ZMYM6: variants seen among roughly 807,000 people sequenced by gnomAD.
The protein encoded by ZMYM6 is zinc finger MYM-type containing 6.
A neutral mutation model predicts 134.0 loss-of-function variants in ZMYM6; 90 were observed. The observed-to-expected ratio is 0.67, with a 90% CI of 0.57 to 0.80. ZMYM6 has a LOEUF of 0.80. Among genes scored for constraint, ZMYM6 ranks in the 30% least tolerant of loss-of-function variants. The pLI is 0.00. For missense variants in ZMYM6, 1,362 were observed against 1,533.9 expected, an observed-to-expected ratio of 0.89 and a Z score of 1.87; for synonymous variants, 481 against 524.1, an observed-to-expected ratio of 0.92 and a Z score of 1.12.
chr1:35,021,732 C>G (rs759454611), intron 2 of ZMYM6, among the ~76,000 whole-genome samples: 1 of 152,092 alleles, frequency 6.6e-6, no homozygotes, highest in Non-Finnish European at 1.5e-5. Flanking sequence ...AGAAAAGATA[C>G]AAGAGTGTCA....
intron 14 of ZMYM6, among the ~76,000 whole-genome samples, chr1:34,999,604 A>G (rs1161585474): frequency 6.6e-6 from 1 of 152,246 alleles, no homozygotes; most frequent in South Asian, 2.1e-4. Flanking sequence ...AAAAATAGGG[A>G]AAAATTAAAA....
At chr1:35,028,251 G>A (rs1641450318) in intron 2 of ZMYM6, among the ~76,000 whole-genome samples, 1 of 150,976 alleles carries the variant, frequency 6.6e-6, no homozygotes, top group African/African-American at 2.4e-5. Context: ...GGGAGGCGGA[G>A]GTTGCAGTGA....
chr1:34,988,661 T>C lies in ZMYM6; in HGVS notation c.2421A>G (p.Lys807=). 2.6e-6 allele frequency: 4 copies of C among 1,546,954 alleles called. No individual in the cohort carries two copies. The highest frequency in any genetic ancestry group is 3.5e-6 in the Non-Finnish European group (4 of 1,145,632). ...TATTTTGACATTCCATTTCTAAAGA[T>C]TTTTGTTCAAAAAAATCTACTGGTT... ...ENKPVDFFEQ[K]SLEMECQNSS... Residue 807 remains lysine (K), a synonymous_variant, in exon 16 of 16, where the codon AAA becomes AAG. Transcript: ENST00000357182.
chr1:34,993,642 G>C (rs1403507673), intron 14 of ZMYM6, among the ~76,000 whole-genome samples: 2 of 151,968 alleles, frequency 1.3e-5, no homozygotes, highest in African/African-American at 2.4e-5. Flanking sequence ...ATCTTTGGGG[G>C]GCTACTATTC....
chr1:35,015,743 A>AAAAAAAAATATATATATATATATAT, intron 4 of ZMYM6, among the ~76,000 whole-genome samples: 4 of 106,464 alleles, frequency 3.8e-5, no homozygotes, highest in African/African-American at 2.6e-4. Context: ...AAAAAAAAAA[A>AAAAAAAAATATATATATATATATAT]ATATATATAT....
chr1:35,014,578 G>C lies in ZMYM6; in HGVS notation c.795+119C>G, dbSNP rs2148455121. ...CAGAATCTATCCCATTTTCTGGAAG[G>C]GAAATCACATATCAGGATGGACTAA... On this transcript the variant is annotated intron_variant, in intron 6 of 15. Coordinates refer to ENST00000357182, the MANE Select transcript of ZMYM6 (RefSeq NM_007167.4). 62 of 993,584 alleles carry C rather than the reference G, an allele frequency of 6.2e-5. No homozygotes were observed. The South Asian group carries it at 1.1e-3, about 18-fold the overall frequency. The allele number at this position is 993,584 out of a possible 1,614,324, so 61.5% of individuals were successfully genotyped here. A position where few individuals can be genotyped will look rare whatever the true frequency, so the allele number is the denominator to read the frequency against.
intron 15 of ZMYM6, chr1:34,990,156 G>A: frequency 5.9e-6 from 1 of 170,740 alleles, no homozygotes; most frequent in Non-Finnish European, 1.3e-5. Flanking sequence ...TTTCAGGAGG[G>A]CAATTTAGGC....
At chr1:35,027,353 C>T (rs763913259) in intron 2 of ZMYM6, among the ~76,000 whole-genome samples, 3 of 151,996 alleles carry the variant, frequency 2.0e-5, no homozygotes, top group East Asian at 3.8e-4. Context: ...AAATATCACT[C>T]GATCTATACA....
chr1:35,005,251 G>C lies in ZMYM6; in HGVS notation c.1835C>G (p.Thr612Ser), dbSNP rs975536362. 1.2e-6 allele frequency: 2 copies of C among 1,614,002 alleles called. No individual in the cohort carries two copies. Among genetic ancestry groups the C allele is most frequent in the South Asian group, 2.2e-5 (2 of 91,060 alleles). The change falls in exon 13 of 16, where the codon ACT becomes AGT. Residue 612 changes from threonine to serine, a missense_variant. Transcript: ENST00000357182. ...QNKVNISKAK[T>S]AVTELPSART... ...TGCAGAAGGGAGCTCCGTCACAGCA[G>C]TTTTTGCTTTAGAAATATTTACTGA... is the stretch of plus-strand genomic sequence containing the variant.
rs371790108 is a variant in ZMYM6 at position 35,010,788 on chromosome 1, A to T, written c.1311T>A (p.Phe437Leu). Residue 437 changes from phenylalanine to leucine, a missense_variant, in exon 9 of 16, where the codon TTT (phenylalanine) becomes TTA (leucine). Around this residue, in one of 3 missense-constraint regions of ZMYM6, gnomAD observed 503 missense variants for 520.8 expected, o/e 0.97. Transcript: ENST00000357182. ...AAAAAAGAAGTTCTGGTTTTGTGGC[A>T]AATAGATGGTTACAGTGCTGACACT... ...KLKCQHCNHLFATKPELLFYK... is the reference protein window; with the variant it reads ...KLKCQHCNHLLATKPELLFYK... The T allele has an allele frequency of 5.7e-6, 9 of 1,577,602 alleles. No individual in the cohort carries two copies. The highest frequency in any genetic ancestry group is 6.9e-6 in the Non-Finnish European group (8 of 1,166,178).
chr1:35,025,726 A>C (rs1178870750), intron 2 of ZMYM6, among the ~76,000 whole-genome samples: 1 of 152,098 alleles, frequency 6.6e-6, no homozygotes, highest in African/African-American at 2.4e-5. Context: ...AGTAACTAAT[A>C]CAGTTTACCA....
chr1:35,014,664 G>A, intron 6 of ZMYM6, 33 bp downstream of exon 6: 6 of 1,596,598 alleles, frequency 3.8e-6, no homozygotes, highest in Non-Finnish European at 5.1e-6. Flanking sequence ...GAAGGAGTGG[G>A]CCTAAGTACA....
chr1:35,013,279 A>G (rs1308456543), intron 6 of ZMYM6: 1 of 829,116 alleles, frequency 1.2e-6, no homozygotes, highest in Admixed American at 6.2e-5. Flanking sequence ...GATGAGCAGA[A>G]GAAGTAGGAA....
chr1:35,027,972 A>G (rs1427082056), intron 2 of ZMYM6, among the ~76,000 whole-genome samples: 1 of 152,152 alleles, frequency 6.6e-6, no homozygotes, highest in Non-Finnish European at 1.5e-5. Flanking sequence ...AGCAAGGCAT[A>G]GAGTTCATGA....
rs1388277167 is a variant in ZMYM6 at position 35,030,420 on chromosome 1, G to A, written c.93+127C>T. The A allele has an allele frequency of 1.3e-5, 11 of 832,224 alleles. No homozygotes were observed. In the African/African-American group the frequency reaches 1.6e-4, roughly 12 times the overall value. 51.6% of individuals were successfully genotyped at this position (832,224 alleles called of 1,614,324 possible). A position where few individuals can be genotyped will look rare whatever the true frequency, so the allele number is the denominator to read the frequency against. ...ACTGCACTACACCCTCAGCGACAGC[G>A]AGAGCCTGTCTCAGTTTGGGTTATT... On this transcript the variant is annotated intron_variant, in intron 2 of 15. Coordinates refer to ENST00000357182, the MANE Select transcript of ZMYM6 (RefSeq NM_007167.4).
intron 2 of ZMYM6, among the ~76,000 whole-genome samples, chr1:35,022,351 A>T (rs1641327216): frequency 6.6e-6 from 1 of 152,010 alleles, no homozygotes; most frequent in South Asian, 2.1e-4. Context: ...GCTCACTGCA[A>T]CCTCTCCCTC....
intron 14 of ZMYM6, among the ~76,000 whole-genome samples, chr1:34,996,305 A>G (rs1444365195): frequency 6.6e-6 from 1 of 152,190 alleles, no homozygotes; most frequent in African/African-American, 2.4e-5. Context: ...GATATTTTTC[A>G]CATGTAAGCA....
chr1:35,026,302 C>G (rs1641414442), intron 2 of ZMYM6, among the ~76,000 whole-genome samples: 1 of 152,154 alleles, frequency 6.6e-6, no homozygotes, highest in Admixed American at 6.5e-5. Context: ...GTTACAGGCA[C>G]AAGCCACCGC....
chr1:34,989,388 A>G (rs1486399616), intron 15 of ZMYM6: 12 of 320,794 alleles, frequency 3.7e-5, no homozygotes, highest in Admixed American at 2.0e-4. Flanking sequence ...AAAAAAAAAA[A>G]AAGAAGAAGA....
Sources: allele counts gnomAD v4.1 joint callset (sites outside exome capture counted in the v4.1 genomes callset), GRCh38; gene constraint gnomAD v4.1.1; regional missense constraint gnomAD v4.1.1; transcripts MANE v1.5; gene names NCBI Gene and HGNC (gene_info 2026-07-23, HGNC 2026-07-21).